Variants in TMEM164 observed in about 807,000 individuals in gnomAD.
TMEM164 encodes transmembrane protein 164.
In TMEM164, 4 loss-of-function variants were observed where a neutral mutation model predicts 18.8. That is an observed-to-expected ratio of 0.21 (90% confidence interval 0.10 to 0.49). TMEM164 has a LOEUF of 0.49. Ranked by LOEUF, TMEM164 falls within the 20% of genes least tolerant of loss-of-function variation. TMEM164 has a pLI of 0.98. For missense variants in TMEM164, 108 were observed against 239.9 expected, an observed-to-expected ratio of 0.45 and a Z score of 3.63; for synonymous variants, 86 against 101.7, an observed-to-expected ratio of 0.85 and a Z score of 0.93.
At chrX:110,152,629 A>G (rs191539391) in intron 5 of TMEM164, among the ~76,000 whole-genome samples, 6 of 111,238 alleles carry the variant, frequency 5.4e-5, no homozygotes, top group African/African-American at 2.0e-4. Context: ...ACATGATCCA[A>G]TCTGCTTGTG....
At chrX:110,140,710 A>G in intron 4 of TMEM164, among the ~76,000 whole-genome samples, 1 of 112,523 alleles carries the variant, frequency 8.9e-6, no homozygotes, top group East Asian at 2.8e-4. Flanking sequence ...TGCTTAAAGC[A>G]TTTTTATTAC....
At chrX:110,012,945 G>A (rs1024224497) in intron 2 of TMEM164, among the ~76,000 whole-genome samples, 1 of 112,088 alleles carries the variant, frequency 8.9e-6, no homozygotes, top group Non-Finnish European at 1.9e-5. Context: ...GCTGGGTGGT[G>A]TTGAGGGAAG....
intron 3 of TMEM164, among the ~76,000 whole-genome samples, chrX:110,070,110 G>A (rs1338951345): frequency 1.8e-5 from 2 of 111,352 alleles, no homozygotes; most frequent in South Asian, 3.8e-4. Flanking sequence ...GAGGTCAGGA[G>A]TTCGAGACTA....
chrX:110,112,053 T>A (rs780875923), intron 4 of TMEM164, among the ~76,000 whole-genome samples: 3 of 109,987 alleles, frequency 2.7e-5, no homozygotes, highest in Non-Finnish European at 3.8e-5. Context: ...AATAAAAAAT[T>A]TAAAAATCAG....
intron 3 of TMEM164, among the ~76,000 whole-genome samples, chrX:110,079,021 G>T (rs2065713533): frequency 9.0e-6 from 1 of 111,377 alleles, no homozygotes; most frequent in Non-Finnish European, 1.9e-5. Context: ...AGGGTACTGG[G>T]AATGTAACTG....
chrX:110,082,723 C>G (rs2065777709), intron 3 of TMEM164, among the ~76,000 whole-genome samples: 2 of 111,121 alleles, frequency 1.8e-5, no homozygotes, highest in Admixed American at 1.9e-4. Context: ...CCCTCACCCC[C>G]CAGTTCCCCC....
chrX:110,034,551 T>G (rs1200066280), intron 2 of TMEM164, among the ~76,000 whole-genome samples: 3 of 112,212 alleles, frequency 2.7e-5, no homozygotes, highest in African/African-American at 9.7e-5. Context: ...AGTGTTCTAC[T>G]AAAACTATAT....
intron 5 of TMEM164, among the ~76,000 whole-genome samples, chrX:110,150,438 G>T (rs896467062): frequency 1.8e-5 from 2 of 112,294 alleles, no homozygotes; most frequent in African/African-American, 6.5e-5. Context: ...AAAATGTGAA[G>T]AAGGGATATA....
intron 3 of TMEM164, among the ~76,000 whole-genome samples, chrX:110,075,862 A>T (rs915212187): frequency 5.4e-5 from 6 of 111,154 alleles, no homozygotes; most frequent in Non-Finnish European, 9.4e-5. Flanking sequence ...TCAGTTTGCT[A>T]GTATTTTGTT....
chrX:110,097,057 G>A (rs986888215), intron 3 of TMEM164, among the ~76,000 whole-genome samples: 3 of 112,063 alleles, frequency 2.7e-5, no homozygotes, highest in African/African-American at 9.7e-5. Flanking sequence ...AGGCTGGAGA[G>A]CAGTGGCATG....
chrX:110,096,274 T>C (rs2066016535), intron 3 of TMEM164, among the ~76,000 whole-genome samples: 1 of 113,006 alleles, frequency 8.8e-6, no homozygotes, highest in Non-Finnish European at 1.9e-5. Context: ...AGCTATGCCC[T>C]GTCCCCAGAG....
intron 2 of TMEM164, among the ~76,000 whole-genome samples, chrX:110,008,002 G>A (rs997050996): frequency 9.8e-5 from 11 of 112,441 alleles, no homozygotes; most frequent in African/African-American, 3.6e-4. Context: ...TGACCCCTTA[G>A]TCCCAAGCTG....
At position 110,091,550 on chromosome X, in the gene TMEM164, G is replaced by A. The variant is rs180986523; in HGVS notation, c.441-17530G>A. Among the ~76,000 whole-genome samples, 545 of 111,799 alleles carry A rather than the reference G, an allele frequency of 4.9e-3. 2 individuals are homozygous for A. The highest frequency in any genetic ancestry group is 0.017 in the African/African-American group (520 of 30,747). On this transcript the variant is annotated intron_variant, in intron 3 of 6. Transcript: ENST00000372068. ...CATATCCTTTGCCCACTTTTTGATG[G>A]GGCTGTTTGATTTTTTCTTGTAAAT...
chrX:110,072,900 C>T (rs987741998), intron 3 of TMEM164, among the ~76,000 whole-genome samples: 2 of 109,261 alleles, frequency 1.8e-5, no homozygotes, highest in South Asian at 3.9e-4. Flanking sequence ...GTATGTTGCA[C>T]GATGCTGAGG....
In TMEM164 at chrX:110,177,585, T is replaced by C. The variant is rs1241398491; in HGVS notation, c.*4134T>C. On this transcript the variant is annotated 3_prime_UTR_variant, in exon 7 of 7. Coordinates refer to ENST00000372068, the MANE Select transcript of TMEM164 (RefSeq NM_032227.4). ...GGCATTTTGTAATGTGTTTTCTCTG[T>C]CTTGTAAAACCTTTTGATTGTACCG... The C allele has an allele frequency of 1.8e-5, 2 of 112,719 alleles. No homozygotes were observed. The highest frequency in any genetic ancestry group is 3.7e-5 in the Non-Finnish European group (2 of 53,352). 9.3% of individuals were successfully genotyped at this position (112,719 alleles called of 1,213,427 possible).
chrX:110,040,212 G>A (rs1935028992), intron 2 of TMEM164, among the ~76,000 whole-genome samples: 1 of 112,334 alleles, frequency 8.9e-6, no homozygotes, highest in African/African-American at 3.2e-5. Flanking sequence ...TTAGTGCAGA[G>A]AGGCAGCTTG....
intron 2 of TMEM164, among the ~76,000 whole-genome samples, chrX:110,012,196 C>A (rs1341844907): frequency 8.9e-6 from 1 of 111,896 alleles, no homozygotes; most frequent in East Asian, 2.8e-4. Flanking sequence ...GCTCTAAAGT[C>A]CACAGCAGCA....
At chrX:110,156,193 A>G (rs1315060927) in intron 5 of TMEM164, among the ~76,000 whole-genome samples, 1 of 111,912 alleles carries the variant, frequency 8.9e-6, no homozygotes, top group African/African-American at 3.2e-5. Context: ...TTCCTTTGCA[A>G]GTTAGCTCAA....
At chrX:110,135,341 A>G (rs2066675191) in intron 4 of TMEM164, among the ~76,000 whole-genome samples, 1 of 111,860 alleles carries the variant, frequency 8.9e-6, no homozygotes, top group East Asian at 2.8e-4. Context: ...GGAGTAATAC[A>G]TCTTCCAGAG....
Sources: allele counts gnomAD v4.1 joint callset (sites outside exome capture counted in the v4.1 genomes callset), GRCh38; gene constraint gnomAD v4.1.1; transcripts MANE v1.5; gene names NCBI Gene and HGNC (gene_info 2026-07-23, HGNC 2026-07-21).